The following IPPK variants were observed in gnomAD, a reference collection of about 807,000 sequenced individuals.
IPPK encodes the protein IPK1 homolog.
IPPK carries 22 observed loss-of-function variants against 64.6 expected under a neutral mutation model. That is an observed-to-expected ratio of 0.34 (90% CI 0.24 to 0.49). The LOEUF (loss-of-function observed/expected upper bound fraction) is 0.49, where lower values mean the gene tolerates loss of function less well. Ranked by LOEUF, IPPK falls within the 20% of genes least tolerant of loss-of-function variation. The pLI is 0.99. For synonymous variants in IPPK, 262 were observed against 247.2 expected (o/e 1.06, Z -0.56); for missense variants, 532 against 630.7 (o/e 0.84, Z 1.68).
Position 92,648,232 on chromosome 9 carries a change from A to G in IPPK, c.415-84T>C, listed in dbSNP as rs1852188766. On this transcript the variant is annotated intron_variant, in intron 5 of 12. Transcript: ENST00000287996. ...TAGACATATCACTGACTACAAGATA[A>G]TGAGTGCAGCAAGATAATTAGGCAT... is the stretch of plus-strand genomic sequence containing the variant. The G allele has an allele frequency of 2.9e-6, 3 of 1,018,552 alleles. No homozygotes were observed. In the East Asian group the frequency reaches 7.8e-5, roughly 26 times the overall value. The allele number at this position is 1,018,552 out of a possible 1,614,324, so 63.1% of individuals were successfully genotyped here. A position where few individuals can be genotyped will look rare whatever the true frequency, so the allele number is the denominator to read the frequency against.
At position 92,639,247 on chromosome 9, in the gene IPPK, C is replaced by G. The variant is rs1003045334; in HGVS notation, c.637-967G>C. ...GATTTTTTGTAGAGACAGGGTTTTG[C>G]TACGTTGCCCAGGCTGGTCTTGAAC... On this transcript the variant is annotated intron_variant, in intron 8 of 12. Coordinates refer to ENST00000287996, the MANE Select transcript of IPPK (RefSeq NM_022755.6). Among the ~76,000 whole-genome samples, 3 of 152,038 alleles carry G rather than the reference C, an allele frequency of 2.0e-5. No homozygotes were observed. The East Asian group carries it at 5.8e-4, about 29-fold the overall frequency.
intron 4 of IPPK, among the ~76,000 whole-genome samples, chr9:92,650,306 G>A (rs1255607338): frequency 7.3e-5 from 11 of 150,538 alleles, no homozygotes; most frequent in South Asian, 2.1e-4. Flanking sequence ...ACCGCCTGGC[G>A]AAGGAGCAAG....
At chr9:92,642,706 T>C in intron 7 of IPPK, 46 bp downstream of exon 7, 1 of 1,476,146 alleles carries the variant, frequency 6.8e-7, no homozygotes, top group Non-Finnish European at 9.4e-7. Context: ...CCTACCCATC[T>C]CCAGGGAACC....
chr9:92,646,825 C>T (rs373026426), intron 6 of IPPK, among the ~76,000 whole-genome samples: 2 of 151,990 alleles, frequency 1.3e-5, no homozygotes, highest in African/African-American at 4.8e-5. Flanking sequence ...GGCATGATGG[C>T]GGGCGCCTAT....
rs746140677 is a variant in IPPK at position 92,635,780 on chromosome 9, C to T, written c.917-472G>A. ...AGCCTGGAGTGCAGTGGCGTGATCT[C>T]GACTCATTGCAACTGCAAGGCAAGG... On this transcript the variant is annotated intron_variant, in intron 9 of 12. Coordinates refer to ENST00000287996, the MANE Select transcript of IPPK (RefSeq NM_022755.6). This position sits in a 1 kb window ranked among gnomAD's most constrained non-coding sequence, Gnocchi z 4.4. 3.9e-4 allele frequency among the ~76,000 whole-genome samples: 59 copies of T among 151,594 alleles called. No individual in the cohort carries two copies. The highest frequency in any genetic ancestry group is 7.1e-4 in the Non-Finnish European group (48 of 67,910).
chr9:92,638,414 C>T (rs1372788608), intron 8 of IPPK, 134 bp from the exon 9 acceptor site: 8 of 972,834 alleles, frequency 8.2e-6, no homozygotes, highest in African/African-American at 3.3e-5. Flanking sequence ...AATCTGGGGC[C>T]GCTGCATACT....
In IPPK at chr9:92,631,945, T is replaced by C. The variant is rs553940610; in HGVS notation, c.1170+2441A>G. Among the ~76,000 whole-genome samples the C allele has an allele frequency of 2.6e-5, 4 of 152,318 alleles. No individual in the cohort carries two copies. The South Asian group carries it at 6.2e-4, about 24-fold the overall frequency. On this transcript the variant is annotated intron_variant, in intron 11 of 12. Coordinates refer to ENST00000287996, the MANE Select transcript of IPPK (RefSeq NM_022755.6). ...CCCTGGCAACCACAAATCTTTGCCA[T>C]TCAAGGATGTTATACACACAGAATC... is the stretch of plus-strand genomic sequence containing the variant.
chr9:92,667,458 T>C (rs1852623771), intron 1 of IPPK, among the ~76,000 whole-genome samples: 1 of 152,240 alleles, frequency 6.6e-6, no homozygotes, highest in Non-Finnish European at 1.5e-5. Flanking sequence ...GCTGGTGGGC[T>C]AGGCTTGGTT....
chr9:92,658,815 C>T (rs367737012), intron 1 of IPPK, 134 bp from the exon 2 acceptor site: 5 of 794,556 alleles, frequency 6.3e-6, no homozygotes, highest in Non-Finnish European at 1.0e-5. Context: ...TGGGAAGCCC[C>T]CAGGGCAGGG....
At chr9:92,618,444 G>A (rs2148537) in intron 12 of IPPK, 101,436 of 456,552 alleles carry the variant, frequency 0.22, 14,329 homozygotes, top group East Asian at 0.66. Flanking sequence ...TGAGTAACAT[G>A]TCTGTCCTTC....
intron 11 of IPPK, among the ~76,000 whole-genome samples, chr9:92,620,830 G>C (rs920852088): frequency 1.3e-5 from 2 of 152,148 alleles, no homozygotes; most frequent in African/African-American, 4.8e-5. Context: ...AGTACAAATG[G>C]ATCAAAAGTT....
intron 4 of IPPK, among the ~76,000 whole-genome samples, chr9:92,650,841 A>G (rs370773580): frequency 5.0e-4 from 76 of 152,062 alleles, no homozygotes; most frequent in African/African-American, 1.8e-3. Context: ...CAGTGCACCA[A>G]TATTTCCCCA....
At chr9:92,665,711 T>C (rs7849240) in intron 1 of IPPK, among the ~76,000 whole-genome samples, 8,984 of 152,264 alleles carry the variant, frequency 0.059, 878 homozygotes, top group African/African-American at 0.2. Context: ...TGTAACCTGC[T>C]TTTTCTACGT....
intron 11 of IPPK, among the ~76,000 whole-genome samples, chr9:92,625,296 G>A (rs767431898): frequency 6.6e-5 from 10 of 152,154 alleles, no homozygotes; most frequent in Non-Finnish European, 1.5e-4. Flanking sequence ...GTTGCAAGAA[G>A]AAATATAATT....
In IPPK at chr9:92,635,023, C is replaced by G. The variant is rs1275142647; in HGVS notation, c.1067+135G>C. The G allele has an allele frequency of 3.9e-6, 3 of 775,078 alleles. No individual in the cohort carries two copies. The allele number at this position is 775,078 out of a possible 1,614,324, so 48.0% of individuals were successfully genotyped here. A position where few individuals can be genotyped will look rare whatever the true frequency, so the allele number is the denominator to read the frequency against. ...CAGAGCAGGCCTGGGCACCTGGGAG[C>G]GGAGGACTGGGGTAGGAAGTGGCCG... On this transcript the variant is annotated intron_variant, in intron 10 of 12. Coordinates refer to ENST00000287996, the MANE Select transcript of IPPK (RefSeq NM_022755.6). This position sits in a 1 kb window ranked among gnomAD's most constrained non-coding sequence, Gnocchi z 4.4.
At chr9:92,661,835 G>A (rs1031994296) in intron 1 of IPPK, among the ~76,000 whole-genome samples, 11 of 152,260 alleles carry the variant, frequency 7.2e-5, no homozygotes, top group Non-Finnish European at 1.3e-4. Flanking sequence ...CCCCATGTGA[G>A]GGACCTGATC....
chr9:92,629,356 A>G (rs1157670224), intron 11 of IPPK, among the ~76,000 whole-genome samples: 1 of 152,254 alleles, frequency 6.6e-6, no homozygotes, highest in African/African-American at 2.4e-5. Flanking sequence ...GTAAAAAGGC[A>G]ACCAACAGAA....
intron 4 of IPPK, among the ~76,000 whole-genome samples, chr9:92,651,437 G>A (rs1360982117): frequency 6.6e-6 from 1 of 152,344 alleles, no homozygotes; most frequent in Non-Finnish European, 1.5e-5. Flanking sequence ...GGAGGGGATT[G>A]GGGAAGGACA....
chr9:92,631,275 A>G (rs1277669586), intron 11 of IPPK, among the ~76,000 whole-genome samples: 1 of 145,648 alleles, frequency 6.9e-6, no homozygotes, highest in East Asian at 2.0e-4. Flanking sequence ...GGCTCACTGC[A>G]GCCTCCACCT....
Sources: gnomAD v4.1 joint callset for allele counts (sites outside exome capture counted in the v4.1 genomes callset) on GRCh38, gnomAD v4.1.1 for gene constraint, Gnocchi (gnomAD v3.1) non-coding constraint, MANE v1.5 for transcripts, NCBI Gene and HGNC (gene_info 2026-07-23, HGNC 2026-07-21) for gene names.